The following HFM1 variants were observed in gnomAD, a reference collection of about 807,000 sequenced individuals.
HFM1 encodes helicase for meiosis 1.
In HFM1, 169 loss-of-function variants were observed where a neutral mutation model predicts 192.1. The ratio of observed to expected loss-of-function variants is 0.88; its 90% CI spans 0.78 to 1.00. The LOEUF (loss-of-function observed/expected upper bound fraction) is 1.00. HFM1 is among the 50% of genes least tolerant of loss of function. The pLI, the probability that HFM1 is intolerant of heterozygous loss-of-function variation, is 0.00. For missense variants in HFM1, 1,661 were observed against 1,668.0 expected (o/e 1.00, Z 0.07); for synonymous variants, 525 against 537.8 (o/e 0.98, Z 0.33).
intron 3 of HFM1, 33 bp downstream of exon 3, chr1:91,396,260 G>T: frequency 9.3e-7 from 1 of 1,079,960 alleles, no homozygotes; most frequent in Non-Finnish European, 1.4e-6. Flanking sequence ...AACTGTATGG[G>T]TTTGGCTTCA....
chr1:91,352,242 AAC>A (rs1657031867), intron 16 of HFM1, among the ~76,000 whole-genome samples: 1 of 151,546 alleles, frequency 6.6e-6, no homozygotes, highest in African/African-American at 2.4e-5. Context: ...AAAAAAAAAA[AAC>A]AGTCAAAATC....
At chr1:91,325,323 G>T (rs1652731950) in intron 20 of HFM1, among the ~76,000 whole-genome samples, 1 of 152,176 alleles carries the variant, frequency 6.6e-6, no homozygotes, top group Non-Finnish European at 1.5e-5. Flanking sequence ...GGACCTGGGG[G>T]AACTCACCAT....
chr1:91,293,029 T>G (rs1668962981), intron 30 of HFM1, among the ~76,000 whole-genome samples: 1 of 152,176 alleles, frequency 6.6e-6, no homozygotes, highest in Non-Finnish European at 1.5e-5. Flanking sequence ...GATCCCTTCC[T>G]TACACCTTAT....
At chr1:91,366,316 C>A (rs1199170019) in intron 13 of HFM1, among the ~76,000 whole-genome samples, 4 of 152,246 alleles carry the variant, frequency 2.6e-5, no homozygotes, top group Non-Finnish European at 4.4e-5. Context: ...AATCATGCTG[C>A]CATTGCACAA....
At chr1:91,365,750 C>G (rs774681726) in intron 13 of HFM1, among the ~76,000 whole-genome samples, 2 of 151,860 alleles carry the variant, frequency 1.3e-5, no homozygotes, top group Non-Finnish European at 2.9e-5. Context: ...AGGCATGTTA[C>G]TATTAAGTAC....
At chr1:91,302,873 T>C (rs1232624647) in intron 30 of HFM1, among the ~76,000 whole-genome samples, 1 of 152,126 alleles carries the variant, frequency 6.6e-6, no homozygotes, top group Admixed American at 6.5e-5. Flanking sequence ...ACATGGCACA[T>C]GTATACATAT....
intron 31 of HFM1, 85 bp from the exon 32 acceptor site, chr1:91,276,828 G>A (rs1666866461): frequency 2.4e-6 from 2 of 830,854 alleles, no homozygotes; most frequent in Non-Finnish European, 1.9e-6. Flanking sequence ...TTCAAATCTA[G>A]TATTTACTTT....
chr1:91,316,842 C>T (rs1034636074), intron 25 of HFM1, among the ~76,000 whole-genome samples: 4 of 152,062 alleles, frequency 2.6e-5, no homozygotes, highest in Non-Finnish European at 4.4e-5. Context: ...TTGAATGAAG[C>T]GAGGGAATAC....
chr1:91,302,831 T>G (rs2101049369), intron 30 of HFM1, among the ~76,000 whole-genome samples: 1 of 151,918 alleles, frequency 6.6e-6, no homozygotes, highest in Admixed American at 6.6e-5. Context: ...ATACCTAATG[T>G]TAAATGATGA....
chr1:91,391,932 CA>C (rs1663048531), intron 4 of HFM1, among the ~76,000 whole-genome samples: 1 of 152,070 alleles, frequency 6.6e-6, no homozygotes, highest in Non-Finnish European at 1.5e-5. Flanking sequence ...AAAAAGTTGG[CA>C]AAGGATATGA....
intron 19 of HFM1, among the ~76,000 whole-genome samples, chr1:91,345,539 T>A (rs2101671006): frequency 6.6e-6 from 1 of 152,306 alleles, no homozygotes; most frequent in Middle Eastern, 3.4e-3. Context: ...AAACAGCATA[T>A]ACTATGCTAA....
chr1:91,375,765 C>A, intron 11 of HFM1, 38 bp from the exon 12 acceptor site: 1 of 1,579,304 alleles, frequency 6.3e-7, no homozygotes, highest in Non-Finnish European at 8.7e-7. Context: ...AAATTTTCTT[C>A]TAGTAAAGTT....
intron 9 of HFM1, among the ~76,000 whole-genome samples, 174 bp from the exon 10 acceptor site, chr1:91,378,654 T>C (rs1408345139): frequency 6.6e-6 from 1 of 152,124 alleles, no homozygotes; most frequent in Non-Finnish European, 1.5e-5. Flanking sequence ...AAAGAATTTT[T>C]ACAGTCTTAA....
At chr1:91,320,764 A>C (rs549053811) in intron 23 of HFM1, among the ~76,000 whole-genome samples, 2 of 152,210 alleles carry the variant, frequency 1.3e-5, no homozygotes, top group South Asian at 4.2e-4. Flanking sequence ...GTGATGTCCT[A>C]TGATCTTACC....
In HFM1 at chr1:91,328,275, G is replaced by A. The variant is rs574026111; in HGVS notation, c.2336-3509C>T. 3.3e-4 allele frequency: 272 copies of A among 831,130 alleles called. No homozygotes were observed. In the African/African-American group the frequency reaches 4.3e-3, roughly 13 times the overall value. The allele number at this position is 831,130 out of a possible 1,614,324, so 51.5% of individuals were successfully genotyped here. ...GTCAGGCGACCCGCAGCTAAGCTGA[G>A]GGGGGAAAGTGGGCTTAGGACCGCC... On this transcript the variant is annotated intron_variant, in intron 20 of 38. Coordinates refer to ENST00000370425, the MANE Select transcript of HFM1 (RefSeq NM_001017975.6).
intron 15 of HFM1, 35 bp downstream of exon 15, chr1:91,353,015 AT>A: frequency 7.6e-7 from 1 of 1,316,702 alleles, no homozygotes; most frequent in Non-Finnish European, 1.1e-6. Context: ...TTTCCAAAAT[AT>A]TTTATAGTAT....
chr1:91,306,498 T>G (rs1396627566), intron 30 of HFM1, among the ~76,000 whole-genome samples: 6 of 152,200 alleles, frequency 3.9e-5, no homozygotes, highest in Admixed American at 2.0e-4. Context: ...TGAATTATAT[T>G]GATCTACTTT....
chr1:91,406,154 G>A (rs1664799516), upstream of HFM1, among the ~76,000 whole-genome samples: 1 of 152,226 alleles, frequency 6.6e-6, no homozygotes. Context: ...CAGGAGGACG[G>A]TATCTGCAAG....
intron 13 of HFM1, among the ~76,000 whole-genome samples, chr1:91,367,696 C>T (rs919679302): frequency 3.3e-5 from 5 of 152,120 alleles, no homozygotes; most frequent in Non-Finnish European, 7.4e-5. Flanking sequence ...AATCAGAGTG[C>T]CTATCCTCCT....
Sources: gnomAD v4.1 joint callset for allele counts (sites outside exome capture counted in the v4.1 genomes callset) on GRCh38, gnomAD v4.1.1 for gene constraint, MANE v1.5 for transcripts, NCBI Gene and HGNC (gene_info 2026-07-23, HGNC 2026-07-21) for gene names.